CHCHD6: variants seen among roughly 807,000 people sequenced by gnomAD.
The protein encoded by CHCHD6 is MICOS complex subunit MIC25.
CHCHD6 carries 28 observed loss-of-function variants against 32.3 expected under a neutral mutation model. The observed-to-expected ratio is 0.87, with a 90% confidence interval of 0.64 to 1.19. CHCHD6 has a LOEUF of 1.19. Ranked by LOEUF, CHCHD6 falls within the 50% of genes most tolerant of loss-of-function variation. The pLI, the probability that CHCHD6 is intolerant of heterozygous loss-of-function variation, is 0.00. For synonymous variants in CHCHD6, 122 were observed against 117.5 expected (o/e 1.04, Z -0.25); for missense variants, 333 against 307.0 (o/e 1.08, Z -0.63).
At chr3:126,957,020 G>A (rs2078794729) in intron 6 of CHCHD6, 1 of 250,176 alleles carries the variant, frequency 4.0e-6, no homozygotes, top group Non-Finnish European at 7.9e-6. Flanking sequence ...GGCTGTCTCA[G>A]GCATAAAGGG....
chr3:126,843,009 AAG>A (rs1941160980), intron 4 of CHCHD6, among the ~76,000 whole-genome samples: 1 of 152,110 alleles, frequency 6.6e-6, no homozygotes, highest in Non-Finnish European at 1.5e-5. Flanking sequence ...GTCTTAGGGA[AAG>A]AGCCTTCAAT....
chr3:126,933,534 G>A (rs909779524), intron 6 of CHCHD6, among the ~76,000 whole-genome samples: 1 of 152,172 alleles, frequency 6.6e-6, no homozygotes. Flanking sequence ...TACAATTATG[G>A]AGGAAGGCAA....
chr3:126,714,102 A>AT (rs1934894699), intron 1 of CHCHD6, among the ~76,000 whole-genome samples: 1 of 150,486 alleles, frequency 6.6e-6, no homozygotes, highest in African/African-American at 2.4e-5. Flanking sequence ...AAAAAAAAAA[A>AT]AGTTGGGAGG....
chr3:126,802,429 G>T (rs551676499), intron 4 of CHCHD6, among the ~76,000 whole-genome samples: 1 of 152,322 alleles, frequency 6.6e-6, no homozygotes, highest in East Asian at 1.9e-4. Context: ...AGAAGCCTCA[G>T]GAGCTGATGC....
In CHCHD6 at chr3:126,748,820, G is replaced by A. The variant is rs921446591; in HGVS notation, c.411+15598G>A. ...TGTTCCCTGAGCAGGGCTGCAGCCCGGGCTGGGCTGGCCATCCAGAAGTGA... is the reference window on the plus strand; with the variant it reads ...TGTTCCCTGAGCAGGGCTGCAGCCCAGGCTGGGCTGGCCATCCAGAAGTGA... On this transcript the variant is annotated intron_variant, in intron 4 of 7. Transcript: ENST00000290913. 4.6e-5 allele frequency among the ~76,000 whole-genome samples: 7 copies of A among 152,122 alleles called. No individual in the cohort carries two copies. In the South Asian group the frequency reaches 6.2e-4, roughly 13 times the overall value.
At chr3:126,752,157 C>G (rs568081595) in intron 4 of CHCHD6, among the ~76,000 whole-genome samples, 1 of 152,166 alleles carries the variant, frequency 6.6e-6, no homozygotes, top group African/African-American at 2.4e-5. Context: ...GGTGCAGGAG[C>G]TGTTTGGGCT....
At chr3:126,856,293 C>T (rs777116820) in intron 5 of CHCHD6, among the ~76,000 whole-genome samples, 3 of 152,216 alleles carry the variant, frequency 2.0e-5, no homozygotes, top group African/African-American at 4.8e-5. Flanking sequence ...ATGCCCTGTA[C>T]AGCTGTGTTC....
intron 4 of CHCHD6, among the ~76,000 whole-genome samples, chr3:126,783,202 C>T (rs1477877344): frequency 6.6e-6 from 1 of 152,162 alleles, no homozygotes; most frequent in Non-Finnish European, 1.5e-5. Context: ...TTTCACCTAG[C>T]ATAATGTCAT....
At chr3:126,727,954 A>G (rs1484162851) in intron 2 of CHCHD6, among the ~76,000 whole-genome samples, 2 of 151,800 alleles carry the variant, frequency 1.3e-5, no homozygotes, top group Non-Finnish European at 2.9e-5. Flanking sequence ...GGGTCTGTCT[A>G]TCAGATTCCG....
At chr3:126,805,586 T>C (rs1939327762) in intron 4 of CHCHD6, among the ~76,000 whole-genome samples, 1 of 152,192 alleles carries the variant, frequency 6.6e-6, no homozygotes, top group Non-Finnish European at 1.5e-5. Flanking sequence ...TCCATGCTCA[T>C]GGATAGGAAG....
chr3:126,831,268 G>T (rs1343654664), intron 4 of CHCHD6, among the ~76,000 whole-genome samples: 3 of 151,814 alleles, frequency 2.0e-5, no homozygotes, highest in African/African-American at 7.3e-5. Flanking sequence ...CTCTTGATCC[G>T]CCCACCTCGG....
chr3:126,735,577 TCTGGGCACAGTGCAAG>T (rs913034194), intron 4 of CHCHD6, among the ~76,000 whole-genome samples: 7 of 152,162 alleles, frequency 4.6e-5, no homozygotes, highest in African/African-American at 1.7e-4. Context: ...GGAAGCTGGA[TCTGGGCACAGTGCAAG>T]CTTAGCCAGC....
At chr3:126,726,559 A>T (rs1935544888) in intron 1 of CHCHD6, among the ~76,000 whole-genome samples, 1 of 152,232 alleles carries the variant, frequency 6.6e-6, no homozygotes, top group South Asian at 2.1e-4. Flanking sequence ...TGTAAAAAAA[A>T]AAATGTGTTA....
intron 1 of CHCHD6, among the ~76,000 whole-genome samples, chr3:126,721,151 C>T (rs1935268936): frequency 6.6e-6 from 1 of 152,190 alleles, no homozygotes; most frequent in African/African-American, 2.4e-5. Context: ...CCTTTCATCC[C>T]ACCTCCCACG....
intron 6 of CHCHD6, chr3:126,935,306 A>G: frequency 4.0e-6 from 1 of 250,564 alleles, no homozygotes; most frequent in South Asian, 1.5e-4. Flanking sequence ...GGCTGGCCTC[A>G]TCTGTATCCC....
At chr3:126,910,273 G>GGAAAAAAAAAAAAC (rs1553756142) in intron 5 of CHCHD6, among the ~76,000 whole-genome samples, 2 of 111,456 alleles carry the variant, frequency 1.8e-5, no homozygotes, top group Non-Finnish European at 3.7e-5. Flanking sequence ...CCTGCCTCAG[G>GGAAAAAAAAAAAAC]AAAAAAAAAA....
At chr3:126,727,269 G>T in intron 2 of CHCHD6, 83 bp downstream of exon 2, 1 of 940,328 alleles carries the variant, frequency 1.1e-6, no homozygotes, top group South Asian at 1.6e-5. Flanking sequence ...ACCTGATGGC[G>T]CACAGGGCTC....
chr3:126,863,945 T>TCGA (rs1942109691), intron 5 of CHCHD6, among the ~76,000 whole-genome samples: 1 of 77,030 alleles, frequency 1.3e-5, no homozygotes, highest in Non-Finnish European at 2.6e-5. Context: ...TTCTCCACCA[T>TCGA]CACCACCTCC....
chr3:126,826,028 A>G (rs975867750), intron 4 of CHCHD6, among the ~76,000 whole-genome samples: 17 of 152,108 alleles, frequency 1.1e-4, no homozygotes, highest in African/African-American at 4.1e-4. Context: ...ATAATTCTAG[A>G]TTTTGGTAGA....
Sources: gnomAD v4.1 joint callset for allele counts (sites outside exome capture counted in the v4.1 genomes callset) on GRCh38, gnomAD v4.1.1 for gene constraint, MANE v1.5 for transcripts, NCBI Gene and HGNC (gene_info 2026-07-23, HGNC 2026-07-21) for gene names.